The following POLI variants were observed in gnomAD, a reference collection of about 807,000 sequenced individuals.
POLI encodes DNA polymerase iota, also known as RAD30 homolog B.
Under a neutral mutation model 51.6 loss-of-function variants are expected in POLI, and 58 were observed. That is an observed-to-expected ratio of 1.12 (90% CI 0.91 to 1.40). POLI has a LOEUF of 1.40. Among genes scored for constraint, POLI ranks in the 40% most tolerant of loss-of-function variants. The pLI, the probability that POLI is intolerant of heterozygous loss-of-function variation, is 0.00. For synonymous variants in POLI, 322 were observed against 299.7 expected (o/e 1.07, Z -0.77); for missense variants, 921 against 871.3 (o/e 1.06, Z -0.72).
chr18:54,282,420 T>A (rs1377134383), intron 5 of POLI, among the ~76,000 whole-genome samples: 1 of 152,138 alleles, frequency 6.6e-6, no homozygotes. Flanking sequence ...AGTCCCCCAT[T>A]ATCTGCAGTT....
intron 3 of POLI, among the ~76,000 whole-genome samples, chr18:54,309,790 G>T (rs967856153): frequency 1.3e-5 from 2 of 152,166 alleles, no homozygotes; most frequent in African/African-American, 4.8e-5. Context: ...AGCAATGGTG[G>T]ATGCCCCTCC....
At chr18:54,280,641 T>C (rs1263877403) in intron 4 of POLI, 26 bp from the exon 5 acceptor site, 1 of 1,463,078 alleles carries the variant, frequency 6.8e-7, no homozygotes, top group Non-Finnish European at 9.5e-7. Flanking sequence ...TCTTGTGACT[T>C]TGAATGACAT....
chr18:54,310,303 G>T (rs146103046), intron 3 of POLI, among the ~76,000 whole-genome samples: 61 of 152,220 alleles, frequency 4.0e-4, no homozygotes, highest in African/African-American at 1.4e-3. Flanking sequence ...GTCCTTCAAG[G>T]TTCCTGAGCT....
At chr18:54,271,076 G>A (rs1002107464) in intron 1 of POLI, 42 of 235,698 alleles carry the variant, frequency 1.8e-4, no homozygotes, top group African/African-American at 8.8e-4. Context: ...CCAGGTGATA[G>A]TATTAGCTCT....
rs139346720 is a variant in POLI, at chr18:54,271,452, A to T, written c.208A>T (p.Ile70Phe). The T allele has an allele frequency of 8.1e-6, 13 of 1,608,844 alleles. No individual in the cohort carries two copies. Among genetic ancestry groups the T allele is most frequent in the Non-Finnish European group, 6.8e-6 (8 of 1,176,018 alleles). ...LDCFYAQVEM[I>F]SNPELKDKPL... Reference sequence around the variant, plus strand: ...TTGCTTTTATGCACAAGTAGAAATGATCTCAAATCCAGAGCTAAAAGACAA... The same window carrying T: ...TTGCTTTTATGCACAAGTAGAAATGTTCTCAAATCCAGAGCTAAAAGACAA... Residue 70 changes from isoleucine to phenylalanine, a missense_variant, in exon 2 of 10, where the codon ATC becomes TTC. Coordinates refer to ENST00000579534, the MANE Select transcript of POLI (RefSeq NM_007195.3).
chr18:54,316,766 G>T (rs2144652958), intron 3 of POLI, among the ~76,000 whole-genome samples: 1 of 152,204 alleles, frequency 6.6e-6, no homozygotes, highest in Non-Finnish European at 1.5e-5. Context: ...AAAAAAAGCT[G>T]CTTATAGTAC....
rs577911167 is a variant in POLI at position 54,297,093 on chromosome 18, T to C, written c.*2626T>C. The C allele has an allele frequency of 5.1e-6, 5 of 985,284 alleles. No homozygotes were observed. Among genetic ancestry groups the C allele is most frequent in the Non-Finnish European group, 6.0e-6 (5 of 829,922 alleles). The allele number at this position is 985,284 out of a possible 1,614,324, so 61.0% of individuals were successfully genotyped here. On this transcript the variant is annotated 3_prime_UTR_variant, in exon 10 of 10. Coordinates refer to ENST00000579534, the MANE Select transcript of POLI (RefSeq NM_007195.3). The stretch of plus-strand genomic sequence containing the variant: ...CTCTATTCACCTTTGTGGATCCTGA[T>C]TGAATGCCTTGTCTTAAGTGTAAGC...
intron 2 of POLI, chr18:54,272,362 A>G (rs1242336793): frequency 6.6e-6 from 1 of 152,228 alleles, no homozygotes; most frequent in African/African-American, 2.4e-5. Context: ...TGTTCTGTAG[A>G]TAATGCTTAA....
chr18:54,280,760 T>A lies in POLI; in HGVS notation c.653T>A (p.Leu218His). 1 of 1,613,814 alleles carries A rather than the reference T, an allele frequency of 6.2e-7. No homozygotes were observed. Among genetic ancestry groups the A allele is most frequent in the East Asian group, 2.2e-5 (1 of 44,888 alleles). Residue 218 changes from leucine (L) to histidine (H), a missense_variant, in exon 5 of 10, where the codon CTC becomes CAC. Physicochemically the swap from Leu to His is moderately conservative, Grantham distance 99. Coordinates refer to ENST00000579534, the MANE Select transcript of POLI (RefSeq NM_007195.3). Reference protein sequence around the residue: ...MREAMYNQLGLTGCAGVASNK... With the variant: ...MREAMYNQLGHTGCAGVASNK... ...GAAGCCATGTATAATCAGTTGGGGC[T>A]CACTGGCTGTGCTGGAGTGGCTTCT...
chr18:54,285,519 G>GTAGT, intron 7 of POLI, among the ~76,000 whole-genome samples: 1 of 80,394 alleles, frequency 1.2e-5, no homozygotes, highest in South Asian at 4.9e-4. Flanking sequence ...AAAAATTACA[G>GTAGT]GAGTGTGTGT....
intron 3 of POLI, among the ~76,000 whole-genome samples, chr18:54,318,096 A>G (rs1468815731): frequency 6.6e-6 from 1 of 152,150 alleles, no homozygotes. Flanking sequence ...GCTAGCTCAC[A>G]GTTCTGAGAG....
rs2088405227 is a variant in POLI at position 54,297,775 on chromosome 18, A to G, written c.*3308A>G. 6.2e-6 allele frequency: 6 copies of G among 961,546 alleles called. No individual in the cohort carries two copies. The highest frequency in any genetic ancestry group is 4.9e-6 in the Non-Finnish European group (4 of 808,144). 59.6% of individuals were successfully genotyped at this position (961,546 alleles called of 1,614,324 possible). A position where few individuals can be genotyped will look rare whatever the true frequency, so the allele number is the denominator to read the frequency against. On this transcript the variant is annotated 3_prime_UTR_variant, in exon 10 of 10. Transcript: ENST00000579534. The stretch of plus-strand genomic sequence containing the variant: ...AGGTATTGAAATAACATTAATTCTA[A>G]TTAAATTCCACAAGTTCTTTATTAA...
chr18:54,293,976 C>G lies in POLI; in HGVS notation c.1732C>G (p.Gln578Glu), dbSNP rs368135988. The change falls in exon 10 of 10, where the codon CAA becomes GAA. Residue 578 changes from glutamine to glutamate, a missense_variant. By Grantham distance (29) the Gln-to-Glu change is conservative (BLOSUM62 2). Coordinates refer to ENST00000579534, the MANE Select transcript of POLI (RefSeq NM_007195.3). ...ATCTTTCTTTTCTAAAAAACAAATG[C>G]AAGATATTCCCATAAATCCTAGAGA... ...VLSFFSKKQM[Q>E]DIPINPRDHL... is the part of the protein sequence containing the mutation. 16 of 1,612,552 alleles carry G rather than the reference C, an allele frequency of 9.9e-6. No individual in the cohort carries two copies. In the African/African-American group the frequency reaches 1.7e-4, roughly 17 times the overall value.
In POLI at chr18:54,294,124, A is replaced by G. The variant is rs1366782526; in HGVS notation, c.1880A>G (p.Asn627Ser). 8.7e-6 allele frequency: 14 copies of G among 1,609,626 alleles called. No homozygotes were observed. In the Middle Eastern group the frequency reaches 5.0e-4, roughly 57 times the overall value. ...SQKDYSYYLD[N>S]RLKDERISQG... is the part of the protein sequence containing the mutation. ...AAGGATTATTCATATTATTTAGATA[A>G]TAGATTAAAAGATGAACGAATAAGT... Residue 627 changes from asparagine to serine, a missense_variant, in exon 10 of 10, where the codon AAT (asparagine) becomes AGT (serine). Transcript: ENST00000579534.
chr18:54,284,064 C>T (rs77191909), intron 7 of POLI, 51 bp downstream of exon 7: 160 of 621,984 alleles, frequency 2.6e-4, no homozygotes, highest in Non-Finnish European at 4.0e-4. Context: ...ATTCTATATA[C>T]GGTATGTGGA....
intron 5 of POLI, among the ~76,000 whole-genome samples, chr18:54,281,405 T>A (rs2087495964): frequency 6.6e-6 from 1 of 152,330 alleles, no homozygotes; most frequent in Non-Finnish European, 1.5e-5. Flanking sequence ...GTTTGTATCT[T>A]TGAAGATTAA....
intron 8 of POLI, among the ~76,000 whole-genome samples, chr18:54,290,966 TAAAGTA>T (rs978799670): frequency 1.5e-4 from 23 of 152,234 alleles, no homozygotes; most frequent in African/African-American, 3.4e-4. Context: ...CCCCAGAACT[TAAAGTA>T]TAAAAGAAAA....
chr18:54,273,135 TC>T (rs1213130327), intron 2 of POLI, among the ~76,000 whole-genome samples: 1 of 151,994 alleles, frequency 6.6e-6, no homozygotes, highest in Non-Finnish European at 1.5e-5. Context: ...CAATCTTGAG[TC>T]ACCAATAAAC....
At chr18:54,302,768 C>T (rs1599270504), downstream of POLI, among the ~76,000 whole-genome samples, 1 of 152,162 alleles carries the variant, frequency 6.6e-6, no homozygotes, top group East Asian at 1.9e-4. Flanking sequence ...TCCCAACCCA[C>T]CTCCACTACC....
Sources: allele counts gnomAD v4.1 joint callset (sites outside exome capture counted in the v4.1 genomes callset), GRCh38; gene constraint gnomAD v4.1.1; transcripts MANE v1.5; gene names NCBI Gene and HGNC (gene_info 2026-07-23, HGNC 2026-07-21).